ABCC11: variants seen among roughly 807,000 people sequenced by gnomAD.
ABCC11 encodes the protein ATP binding cassette subfamily C member 11, also known as ATP-binding cassette sub-family C member 11.
ABCC11 carries 135 observed loss-of-function variants against 149.3 expected under a neutral mutation model. The observed-to-expected ratio is 0.90, with a 90% CI of 0.79 to 1.04. The LOEUF is 1.04. Among genes scored for constraint, ABCC11 ranks in the 50% least tolerant of loss-of-function variants. ABCC11 has a pLI of 0.00. For missense variants in ABCC11, 1,680 were observed against 1,722.1 expected (o/e 0.98, Z 0.43); for synonymous variants, 665 against 671.4 (o/e 0.99, Z 0.15).
chr16:48,236,604 A>G (rs188501009), intron 1 of ABCC11, among the ~76,000 whole-genome samples: 2 of 152,356 alleles, frequency 1.3e-5, no homozygotes, highest in East Asian at 1.9e-4. Context: ...CAATGGATCA[A>G]TGAATGAAGT....
At position 48,214,926 on chromosome 16, in the gene ABCC11, C is replaced by A. The variant is rs748591683; in HGVS notation, c.1203G>T (p.Trp401Cys). The change falls in exon 9 of 30, where the codon TGG (tryptophan) becomes TGT (cysteine). Residue 401 changes from tryptophan (W) to cysteine (C), a missense_variant. Physicochemically the swap from Trp to Cys is radical, Grantham distance 215 (BLOSUM62 -2). Coordinates refer to ENST00000356608, the MANE Select transcript of ABCC11 (RefSeq NM_001370497.1). ...GCTTTAAGGATGTGTGGATGAGAAC[C>A]CAGACCGCTGTGGCCACTGTGGGGA... ...FIIPTVATAVWVLIHTSLKLK... is the reference protein window; with the variant it reads ...FIIPTVATAVCVLIHTSLKLK... The A allele has an allele frequency of 1.2e-6, 2 of 1,614,000 alleles. No individual in the cohort carries two copies. Among genetic ancestry groups the A allele is most frequent in the Non-Finnish European group, 1.7e-6 (2 of 1,180,018 alleles).
intron 1 of ABCC11, among the ~76,000 whole-genome samples, chr16:48,243,312 G>A (rs972445059): frequency 3.4e-5 from 5 of 149,184 alleles, no homozygotes; most frequent in African/African-American, 1.2e-4. Context: ...TGAAGCAGGA[G>A]AATGGCATGA....
At chr16:48,221,035 T>C (rs1462816870) in intron 6 of ABCC11, among the ~76,000 whole-genome samples, 1 of 151,650 alleles carries the variant, frequency 6.6e-6, no homozygotes, top group Non-Finnish European at 1.5e-5. Context: ...GAAGGATGAG[T>C]GGGATTTTTA....
At chr16:48,184,383 C>T in intron 23 of ABCC11, 57 bp downstream of exon 23, 1 of 1,571,232 alleles carries the variant, frequency 6.4e-7, no homozygotes, top group Non-Finnish European at 8.7e-7. Flanking sequence ...TGCCCAGAAG[C>T]CACAGGCAGA....
intron 22 of ABCC11, among the ~76,000 whole-genome samples, chr16:48,186,057 G>T (rs964545381): frequency 1.3e-5 from 2 of 152,118 alleles, no homozygotes; most frequent in Non-Finnish European, 2.9e-5. Flanking sequence ...CTTGGGGCAG[G>T]GTTCTCAGTG....
chr16:48,170,230 G>C lies in ABCC11; in HGVS notation c.3778-12C>G. 6.2e-7 allele frequency: 1 copy of C among 1,604,490 alleles called. No homozygotes were observed. The highest frequency in any genetic ancestry group is 8.5e-7 in the Non-Finnish European group (1 of 1,171,342). On this transcript the variant is annotated splice_polypyrimidine_tract_variant and intron_variant, in intron 27 of 29. Transcript: ENST00000356608. ...GGGAACTTTGAGATCTGCGATATGGGAAGAAGAGACAACATAACCTGGAAG... is the reference window on the plus strand; with the variant it reads ...GGGAACTTTGAGATCTGCGATATGGCAAGAAGAGACAACATAACCTGGAAG...
rs115740666 is a variant in ABCC11 at position 48,219,537 on chromosome 16, G to A, written c.777+3061C>T. Among the ~76,000 whole-genome samples, 872 of 152,228 alleles carry A rather than the reference G, an allele frequency of 5.7e-3. 10 individuals are homozygous for A. Among genetic ancestry groups the A allele is most frequent in the African/African-American group, 0.02 (838 of 41,526 alleles). Reference sequence around the variant, plus strand: ...TAATGGTGCTAATCTCTGGGCACAGGGGAAGAAACTAGGCCTAAGGCAACT... The same window carrying A: ...TAATGGTGCTAATCTCTGGGCACAGAGGAAGAAACTAGGCCTAAGGCAACT... On this transcript the variant is annotated intron_variant, in intron 6 of 29. Transcript: ENST00000356608.
intron 22 of ABCC11, 28 bp downstream of exon 22, chr16:48,186,924 CA>C: frequency 1.2e-6 from 2 of 1,613,078 alleles, no homozygotes; most frequent in Non-Finnish European, 8.5e-7. Context: ...GTGGTTCCAT[CA>C]TTCTCAAATG....
At chr16:48,229,324 CAA>C (rs1235506438) in intron 3 of ABCC11, among the ~76,000 whole-genome samples, 1 of 151,658 alleles carries the variant, frequency 6.6e-6, no homozygotes, top group Non-Finnish European at 1.5e-5. Context: ...AATATGGTAA[CAA>C]TGTAACTAGT....
chr16:48,202,789 C>T (rs1341016294), intron 14 of ABCC11, among the ~76,000 whole-genome samples: 1 of 152,128 alleles, frequency 6.6e-6, no homozygotes, highest in Non-Finnish European at 1.5e-5. Context: ...GAAGGCAATG[C>T]CACTTTTATC....
chr16:48,184,712 C>T (rs2150759258), intron 22 of ABCC11, 86 bp from the exon 23 acceptor site: 2 of 1,375,844 alleles, frequency 1.5e-6, no homozygotes, highest in African/African-American at 1.4e-5. Context: ...CTGCTTCCTC[C>T]AGCATCCAGT....
At position 48,187,353 on chromosome 16, in the gene ABCC11, C is replaced by T. The variant is rs1194810677; in HGVS notation, c.2781G>A (p.Leu927=). The T allele has an allele frequency of 6.2e-7, 1 of 1,614,032 alleles. No individual in the cohort carries two copies. The highest frequency in any genetic ancestry group is 2.2e-5 in the East Asian group (1 of 44,898). ...GRLLNCFAGD[L]EQLDQLLPIF... The stretch of plus-strand genomic sequence containing the variant: ...TGGGCAAGAGCTGGTCCAGCTGTTC[C>T]AAGTCCCCTGCGAAGCAGTTCAAAA... The change falls in exon 21 of 30, where the codon TTG becomes TTA. Residue 927 remains leucine, a synonymous_variant. Transcript: ENST00000356608.
intron 22 of ABCC11, among the ~76,000 whole-genome samples, chr16:48,186,370 T>C (rs2038584057): frequency 6.6e-6 from 1 of 152,200 alleles, no homozygotes; most frequent in African/African-American, 2.4e-5. Flanking sequence ...CACGTATAAT[T>C]ACAAAAACAT....
chr16:48,170,783 C>T, intron 27 of ABCC11, 106 bp downstream of exon 27: 1 of 1,051,404 alleles, frequency 9.5e-7, no homozygotes, highest in Non-Finnish European at 1.4e-6. Flanking sequence ...GCATCCATGA[C>T]CCGAAGCAGC....
intron 6 of ABCC11, among the ~76,000 whole-genome samples, chr16:48,220,745 T>G (rs370174256): frequency 1.2e-4 from 19 of 152,284 alleles, no homozygotes; most frequent in African/African-American, 4.3e-4. Flanking sequence ...AATAAATACC[T>G]AATGTTTGTT....
chr16:48,186,094 G>A (rs1275910030), intron 22 of ABCC11, among the ~76,000 whole-genome samples: 1 of 152,106 alleles, frequency 6.6e-6, no homozygotes, highest in East Asian at 1.9e-4. Context: ...ACCGCTCCAG[G>A]ATCCCCTCAG....
intron 23 of ABCC11, among the ~76,000 whole-genome samples, chr16:48,182,232 G>A (rs9940473): frequency 6.6e-6 from 1 of 152,208 alleles, no homozygotes; most frequent in East Asian, 1.9e-4. Context: ...ATGTGCTCCT[G>A]CACATACATG....
chr16:48,240,906 C>A (rs1291689609), intron 1 of ABCC11, among the ~76,000 whole-genome samples: 1 of 151,834 alleles, frequency 6.6e-6, no homozygotes, highest in Non-Finnish European at 1.5e-5. Flanking sequence ...GACATTTCAC[C>A]ATCATATATC....
rs1355771941 is a variant in ABCC11 at position 48,184,443 on chromosome 16, C to T, written c.3255G>A (p.Leu1085=). The change falls in exon 23 of 30, where the codon CTG becomes CTA. Residue 1085 remains leucine (L), a synonymous_variant. Coordinates refer to ENST00000356608, the MANE Select transcript of ABCC11 (RefSeq NM_001370497.1). ...CCACACAGAGTCACCCCCTCACCTG[C>T]AGCACGATGTTGACAGCCATGACTT... ...SFKVMAVNIV[L]QLASSFQATA... 1 of 1,613,596 alleles carries T rather than the reference C, an allele frequency of 6.2e-7. No individual in the cohort carries two copies. The highest frequency in any genetic ancestry group is 8.5e-7 in the Non-Finnish European group (1 of 1,179,690).
Sources: allele counts gnomAD v4.1 joint callset (sites outside exome capture counted in the v4.1 genomes callset), GRCh38; gene constraint gnomAD v4.1.1; transcripts MANE v1.5; gene names NCBI Gene and HGNC (gene_info 2026-07-23, HGNC 2026-07-21).